Variants in FAM114A1 observed in about 807,000 individuals in gnomAD.
FAM114A1 encodes protein NOXP20.
A neutral mutation model predicts 64.3 loss-of-function variants in FAM114A1; 62 were observed. That is an observed-to-expected ratio of 0.96 (90% CI 0.79 to 1.19). FAM114A1 has a LOEUF of 1.19. Ranked by LOEUF, FAM114A1 falls within the 50% of genes most tolerant of loss-of-function variation. The probability of loss-of-function intolerance (pLI) is 0.00; values close to 1 mark genes in which losing one functional copy is unlikely to be tolerated. For missense variants in FAM114A1, 645 were observed against 676.3 expected, an observed-to-expected ratio of 0.95 and a Z score of 0.51; for synonymous variants, 254 against 251.1, an observed-to-expected ratio of 1.01 and a Z score of -0.11.
chr4:38,944,207 TACAG>T lies in FAM114A1; in HGVS notation c.*651_*654del, dbSNP rs1382275333. On this transcript the variant is annotated 3_prime_UTR_variant, in exon 15 of 15. Coordinates refer to ENST00000358869, the MANE Select transcript of FAM114A1 (RefSeq NM_138389.4). ...CCTCAGCCTCCTGAGTAGCTGGGACTACAGGTGTGTGCCACCACGCCCAGCCAAT... is the reference window on the plus strand; with the variant it reads ...CCTCAGCCTCCTGAGTAGCTGGGACTGTGTGTGCCACCACGCCCAGCCAAT... The T allele has an allele frequency of 3.3e-5, 5 of 152,116 alleles. No individual in the cohort carries two copies. The highest frequency in any genetic ancestry group is 1.2e-4 in the African/African-American group (5 of 41,384). The allele number at this position is 152,116 out of a possible 1,614,324, so 9.4% of individuals were successfully genotyped here.
intron 10 of FAM114A1, among the ~76,000 whole-genome samples, chr4:38,930,832 G>A (rs540146797): frequency 2.6e-5 from 4 of 152,304 alleles, no homozygotes; most frequent in South Asian, 2.1e-4. Flanking sequence ...ATTTTGCAGG[G>A]CACAGAGTGC....
At chr4:38,928,766 G>A (rs763837163) in intron 9 of FAM114A1, among the ~76,000 whole-genome samples, 7 of 152,186 alleles carry the variant, frequency 4.6e-5, no homozygotes, top group Non-Finnish European at 1.0e-4. Flanking sequence ...GGTTTATTCA[G>A]CACTGTGGCT....
At chr4:38,916,578 C>G (rs1316720581) in intron 8 of FAM114A1, among the ~76,000 whole-genome samples, 1 of 151,996 alleles carries the variant, frequency 6.6e-6, no homozygotes. Flanking sequence ...ACCAAAACTG[C>G]GTGTTCTTAC....
At chr4:38,875,728 T>G (rs1714549848) in intron 2 of FAM114A1, among the ~76,000 whole-genome samples, 1 of 152,212 alleles carries the variant, frequency 6.6e-6, no homozygotes, top group Non-Finnish European at 1.5e-5. Flanking sequence ...TATCCTCGTC[T>G]TGTTCTGGTT....
chr4:38,920,078 G>A (rs1048275509), intron 8 of FAM114A1, among the ~76,000 whole-genome samples: 6 of 152,106 alleles, frequency 3.9e-5, no homozygotes, highest in Admixed American at 6.5e-5. Flanking sequence ...GAGTGGTGGC[G>A]TGTACCTATA....
intron 6 of FAM114A1, among the ~76,000 whole-genome samples, chr4:38,906,367 C>T (rs75881086): frequency 0.09 from 13,614 of 152,074 alleles, 1,483 homozygotes; most frequent in East Asian, 0.38. Flanking sequence ...ACCCTTCCTC[C>T]TCCTTACACC....
chr4:38,905,664 T>G, intron 5 of FAM114A1, 29 bp downstream of exon 5: 1 of 1,610,350 alleles, frequency 6.2e-7, no homozygotes, highest in South Asian at 1.1e-5. Context: ...CTGGGTGTTC[T>G]TGGACTTTAT....
intron 8 of FAM114A1, among the ~76,000 whole-genome samples, chr4:38,921,735 A>G (rs1719616617): frequency 1.3e-5 from 2 of 152,082 alleles, no homozygotes; most frequent in Admixed American, 1.3e-4. Flanking sequence ...GCTTCCCTCC[A>G]CTGTACCCTC....
Position 38,878,315 on chromosome 4 carries a change from G to A in FAM114A1, c.237G>A (p.Glu79=), listed in dbSNP as rs201120772. 3.0e-5 allele frequency: 49 copies of A among 1,614,242 alleles called. No homozygotes were observed. In the East Asian group the frequency reaches 1.0e-3, roughly 34 times the overall value. Residue 79 remains glutamate, a synonymous_variant, in exon 3 of 15, where the codon GAG becomes GAA. Transcript: ENST00000358869. ...PVQPQDANAL[E]PPLNGDVTED... ...AGCCTCAGGATGCCAACGCCCTGGA[G>A]CCCCCTCTCAATGGAGACGTGACTG...
intron 8 of FAM114A1, among the ~76,000 whole-genome samples, chr4:38,919,957 C>T (rs1385480460): frequency 6.6e-6 from 1 of 152,060 alleles, no homozygotes; most frequent in African/African-American, 2.4e-5. Context: ...ACCTGTAATC[C>T]CAGCACTTTG....
At chr4:38,915,172 G>A in intron 8 of FAM114A1, 99 bp downstream of exon 8, 1 of 1,448,734 alleles carries the variant, frequency 6.9e-7, no homozygotes, top group South Asian at 1.3e-5. Flanking sequence ...CTCATTTTTA[G>A]AGCCTCATTA....
At chr4:38,881,368 C>T (rs1371259839) in intron 3 of FAM114A1, among the ~76,000 whole-genome samples, 3 of 152,164 alleles carry the variant, frequency 2.0e-5, no homozygotes, top group African/African-American at 7.2e-5. Flanking sequence ...ACACTGACAG[C>T]ATTTCAAGGA....
intron 3 of FAM114A1, among the ~76,000 whole-genome samples, chr4:38,890,329 G>A (rs1476707586): frequency 1.3e-5 from 2 of 151,594 alleles, no homozygotes; most frequent in South Asian, 4.2e-4. Context: ...CGTGAACCCG[G>A]GAGGTGGAGC....
At chr4:38,879,212 T>C (rs767315391) in intron 3 of FAM114A1, among the ~76,000 whole-genome samples, 12 of 152,264 alleles carry the variant, frequency 7.9e-5, no homozygotes, top group Non-Finnish European at 1.6e-4. Context: ...CTGTCTGGAA[T>C]GGACTGCCTT....
chr4:38,871,464 A>C (rs553018161), intron 2 of FAM114A1, among the ~76,000 whole-genome samples: 1 of 152,192 alleles, frequency 6.6e-6, no homozygotes, highest in African/African-American at 2.4e-5. Flanking sequence ...ATTTTAAACA[A>C]TAATCTATAA....
chr4:38,908,815 A>G, intron 7 of FAM114A1, 89 bp downstream of exon 7: 2 of 1,277,476 alleles, frequency 1.6e-6, no homozygotes, highest in South Asian at 1.9e-5. Flanking sequence ...CATTTAAAGC[A>G]TGTGATTCAA....
chr4:38,898,336 GT>G (rs34724332), intron 4 of FAM114A1, among the ~76,000 whole-genome samples: 1 of 152,158 alleles, frequency 6.6e-6, no homozygotes, highest in African/African-American at 2.4e-5. Flanking sequence ...AAGGTACATA[GT>G]TTTTTCCTTC....
intron 13 of FAM114A1, among the ~76,000 whole-genome samples, chr4:38,937,483 T>C (rs1721207314): frequency 6.6e-6 from 1 of 152,182 alleles, no homozygotes; most frequent in African/African-American, 2.4e-5. Context: ...ACCAGGCCTA[T>C]TTGGTTAGCG....
chr4:38,898,052 G>C (rs192331526), intron 4 of FAM114A1, among the ~76,000 whole-genome samples: 3 of 152,198 alleles, frequency 2.0e-5, no homozygotes, highest in African/African-American at 7.2e-5. Context: ...ACTAGGCTAA[G>C]AGTGATAGAC....
Sources: gnomAD v4.1 joint callset for allele counts (sites outside exome capture counted in the v4.1 genomes callset) on GRCh38, gnomAD v4.1.1 for gene constraint, MANE v1.5 for transcripts, NCBI Gene and HGNC (gene_info 2026-07-23, HGNC 2026-07-21) for gene names.